CLVS1: variants seen among roughly 807,000 people sequenced by gnomAD.
CLVS1 encodes clavesin 1.
Under a neutral mutation model 33.1 loss-of-function variants are expected in CLVS1, and 10 were observed. That is an observed-to-expected ratio of 0.30 (90% confidence interval 0.19 to 0.51). CLVS1 has a LOEUF of 0.51. CLVS1 is among the 20% of genes least tolerant of loss of function. The pLI is 0.97. For synonymous variants in CLVS1, 163 were observed against 166.1 expected (o/e 0.98, Z 0.14); for missense variants, 343 against 433.4 (o/e 0.79, Z 1.85).
the CLVS1 span, among the ~76,000 whole-genome samples, chr8:61,043,093 C>A: frequency 1.1e-4 from 17 of 152,320 alleles, no homozygotes; most frequent in South Asian, 3.3e-3. Context: ...CTTTATGGGG[C>A]AAGTAATCAA....
intron 5 of CLVS1, among the ~76,000 whole-genome samples, chr8:61,494,865 A>G (rs1405149398): frequency 1.3e-5 from 2 of 152,222 alleles, no homozygotes; most frequent in African/African-American, 4.8e-5. Flanking sequence ...TTATTGTGTG[A>G]CCAGGTAACT....
chr8:61,252,004 A>C (rs1808959880), intron 2 of CLVS1, among the ~76,000 whole-genome samples: 1 of 151,792 alleles, frequency 6.6e-6, no homozygotes, highest in Non-Finnish European at 1.5e-5. Flanking sequence ...TTTAATTGTG[A>C]TGTTAGGGTG....
At chr8:61,254,466 A>T (rs1041475421) in intron 2 of CLVS1, among the ~76,000 whole-genome samples, 1 of 152,210 alleles carries the variant, frequency 6.6e-6, no homozygotes, top group Non-Finnish European at 1.5e-5. Context: ...GGGACATTTA[A>T]GTCTGCAGAG....
chr8:61,190,358 G>A (rs551361783), intron 2 of CLVS1, among the ~76,000 whole-genome samples: 12 of 152,142 alleles, frequency 7.9e-5, no homozygotes, highest in Non-Finnish European at 1.8e-4. Context: ...ATAATCTCTG[G>A]GACACATTTA....
intron 2 of CLVS1, among the ~76,000 whole-genome samples, chr8:61,322,254 T>TC (rs1208228040): frequency 1.3e-5 from 2 of 152,236 alleles, no homozygotes; most frequent in African/African-American, 4.8e-5. Flanking sequence ...TGTGTTCTTC[T>TC]CTAATATTCA....
intron 3 of CLVS1, among the ~76,000 whole-genome samples, chr8:61,404,294 TC>T (rs1327588244): frequency 2.4e-4 from 37 of 152,358 alleles, no homozygotes; most frequent in African/African-American, 8.4e-4. Context: ...TCTCTCAGCC[TC>T]CTGGGATTGT....
intron 1 of CLVS1, among the ~76,000 whole-genome samples, chr8:61,063,159 G>A (rs966957555): frequency 6.6e-5 from 10 of 151,942 alleles, no homozygotes; most frequent in Admixed American, 2.0e-4. Context: ...CTTTGCTCTC[G>A]CTCCCCTGGT....
At chr8:61,473,341 TAAAA>T (rs58281654) in intron 5 of CLVS1, among the ~76,000 whole-genome samples, 5 of 96,224 alleles carry the variant, frequency 5.2e-5, no homozygotes, top group South Asian at 3.6e-4. Context: ...TCACGGAATT[TAAAA>T]AAAAAAAAAA....
chr8:61,133,104 A>G (rs781167702), intron 2 of CLVS1, among the ~76,000 whole-genome samples: 6 of 152,218 alleles, frequency 3.9e-5, no homozygotes, highest in Non-Finnish European at 7.3e-5. Flanking sequence ...TCTGGGAAGC[A>G]TCAACCAAGG....
At chr8:61,192,131 A>T (rs569968734) in intron 2 of CLVS1, among the ~76,000 whole-genome samples, 22 of 152,354 alleles carry the variant, frequency 1.4e-4, no homozygotes, top group African/African-American at 5.3e-4. Flanking sequence ...AAACTATACT[A>T]CAAGGCTACA....
intron 1 of CLVS1, among the ~76,000 whole-genome samples, chr8:61,110,364 G>C (rs1174795932): frequency 6.6e-6 from 1 of 151,984 alleles, no homozygotes; most frequent in Non-Finnish European, 1.5e-5. Flanking sequence ...CTTCCTTTTT[G>C]AGACGGCTTC....
chr8:61,496,994 T>C (rs1207514947), intron 5 of CLVS1, among the ~76,000 whole-genome samples: 4 of 152,206 alleles, frequency 2.6e-5, no homozygotes, highest in Non-Finnish European at 5.9e-5. Context: ...GAAATGTTAA[T>C]ATATGTCAAT....
rs902980662 is a variant in CLVS1, at chr8:61,499,730, A to AGAT, written c.*190_*192dup. ...AGCCAAAGTTGGACAAAGACTTGAG[A>AGAT]GATGCTTTTTTTTTCCCCCAGTGAG... On this transcript the variant is annotated 3_prime_UTR_variant, in exon 6 of 6. Transcript: ENST00000325897. 2.4e-5 allele frequency: 10 copies of AGAT among 425,516 alleles called. No individual in the cohort carries two copies. Among genetic ancestry groups the AGAT allele is most frequent in the African/African-American group, 2.0e-4 (10 of 50,926 alleles). 26.4% of individuals were successfully genotyped at this position (425,516 alleles called of 1,614,324 possible).
At chr8:60,985,152 T>G in the CLVS1 span, among the ~76,000 whole-genome samples, 2 of 152,246 alleles carry the variant, frequency 1.3e-5, no homozygotes, top group Non-Finnish European at 2.9e-5. Flanking sequence ...AACTACACAC[T>G]GTGCATCTAT....
intron 2 of CLVS1, among the ~76,000 whole-genome samples, chr8:61,211,612 G>A (rs1304568160): frequency 6.6e-6 from 1 of 152,216 alleles, no homozygotes; most frequent in Non-Finnish European, 1.5e-5. Flanking sequence ...CTGTGTGCCA[G>A]GCAATGGTTG....
the CLVS1 span, among the ~76,000 whole-genome samples, chr8:61,002,537 T>C: frequency 3.9e-5 from 6 of 151,988 alleles, no homozygotes; most frequent in African/African-American, 1.2e-4. Flanking sequence ...TTTCACCATG[T>C]TGGCCAGGCT....
the CLVS1 span, among the ~76,000 whole-genome samples, chr8:60,988,501 T>C: frequency 6.6e-6 from 1 of 152,298 alleles, no homozygotes; most frequent in East Asian, 1.9e-4. Flanking sequence ...ACCAGAGTCA[T>C]TCTATGTAAA....
chr8:61,081,939 G>C (rs28727432), intron 1 of CLVS1, among the ~76,000 whole-genome samples: 1 of 152,094 alleles, frequency 6.6e-6, no homozygotes, highest in Admixed American at 6.5e-5. Flanking sequence ...CATACTAAAC[G>C]ACAAAAGCAC....
intron 2 of CLVS1, among the ~76,000 whole-genome samples, chr8:61,184,638 C>T (rs1034237593): frequency 6.6e-6 from 1 of 152,246 alleles, no homozygotes; most frequent in East Asian, 1.9e-4. Flanking sequence ...GCCAGCAAAA[C>T]GGAAACTGAA....
Sources: gnomAD v4.1 joint callset for allele counts (sites outside exome capture counted in the v4.1 genomes callset) on GRCh38, gnomAD v4.1.1 for gene constraint, MANE v1.5 for transcripts, NCBI Gene and HGNC (gene_info 2026-07-23, HGNC 2026-07-21) for gene names.